Variants in PTPN2 observed in about 807,000 individuals in gnomAD.
PTPN2 encodes the protein tyrosine-protein phosphatase non-receptor type 2.
Under a neutral mutation model 57.3 loss-of-function variants are expected in PTPN2, and 19 were observed. That is an observed-to-expected ratio of 0.33 (90% CI 0.23 to 0.49). The LOEUF is 0.49. PTPN2 is among the 20% of genes least tolerant of loss of function. PTPN2 has a pLI of 0.99. For missense variants in PTPN2, 358 were observed against 501.1 expected (o/e 0.71, Z 2.73); for synonymous variants, 153 against 164.9 (o/e 0.93, Z 0.55).
chr18:12,798,451 T>C (rs1350280981), intron 8 of PTPN2, among the ~76,000 whole-genome samples: 1 of 152,100 alleles, frequency 6.6e-6, no homozygotes, highest in Non-Finnish European at 1.5e-5. Flanking sequence ...TGTTCCCCTC[T>C]ATGTGTCCAT....
intron 7 of PTPN2, among the ~76,000 whole-genome samples, chr18:12,813,361 C>T (rs1445530038): frequency 1.3e-5 from 2 of 152,250 alleles, no homozygotes; most frequent in South Asian, 4.1e-4. Flanking sequence ...GCTGAGTTTC[C>T]CAAACATTGC....
chr18:12,863,556 G>GT (rs1198418869), intron 1 of PTPN2: 2 of 147,108 alleles, frequency 1.4e-5, no homozygotes, highest in African/African-American at 5.1e-5. Context: ...TTTTTTGGGG[G>GT]GGGGGGGGCA....
chr18:12,826,974 CT>C (rs1178000539), intron 4 of PTPN2, among the ~76,000 whole-genome samples: 1 of 152,124 alleles, frequency 6.6e-6, no homozygotes, highest in Non-Finnish European at 1.5e-5. Flanking sequence ...GCATGATTAC[CT>C]ATATTTTAAC....
chr18:12,827,536 C>T (rs560520039), intron 4 of PTPN2, among the ~76,000 whole-genome samples: 4 of 151,742 alleles, frequency 2.6e-5, no homozygotes, highest in Non-Finnish European at 5.9e-5. Context: ...AGGTGCGTGC[C>T]ACCACACCTG....
intron 1 of PTPN2, among the ~76,000 whole-genome samples, chr18:12,873,922 C>T (rs1284842528): frequency 6.8e-6 from 1 of 147,438 alleles, no homozygotes; most frequent in Non-Finnish European, 1.5e-5. Flanking sequence ...ATGTGAGGAG[C>T]GCCTCTGCCC....
intron 9 of PTPN2, chr18:12,786,938 C>T (rs192837291): frequency 1.3e-5 from 2 of 152,312 alleles, no homozygotes; most frequent in East Asian, 1.9e-4. Flanking sequence ...TTACATGAAT[C>T]TTCAGAATGT....
chr18:12,832,856 C>T (rs1345632588), intron 3 of PTPN2, among the ~76,000 whole-genome samples: 6 of 152,202 alleles, frequency 3.9e-5, no homozygotes, highest in African/African-American at 1.4e-4. Flanking sequence ...GGCACGACCT[C>T]GGCTCACTGC....
intron 1 of PTPN2, among the ~76,000 whole-genome samples, chr18:12,871,877 G>T (rs2044277989): frequency 6.6e-6 from 1 of 151,908 alleles, no homozygotes; most frequent in African/African-American, 2.4e-5. Flanking sequence ...GGGAAACCCT[G>T]TCTCTACTAA....
rs1307315841 is a variant in PTPN2, at chr18:12,793,383, T to G, written c.*895A>C. Reference sequence around the variant, plus strand: ...CTTACTTTTGCTTCCTAAATCATAATCTACCCCAACTACATTGAAATTTTC... The same window carrying G: ...CTTACTTTTGCTTCCTAAATCATAAGCTACCCCAACTACATTGAAATTTTC... On this transcript the variant is annotated 3_prime_UTR_variant, in exon 9 of 9. Coordinates refer to ENST00000309660, the MANE Select transcript of PTPN2 (RefSeq NM_002828.4). 2.0e-6 allele frequency: 2 copies of G among 978,650 alleles called. No individual in the cohort carries two copies. Among genetic ancestry groups the G allele is most frequent in the Non-Finnish European group, 2.4e-6 (2 of 823,382 alleles). 60.6% of individuals were successfully genotyped at this position (978,650 alleles called of 1,614,324 possible).
intron 1 of PTPN2, among the ~76,000 whole-genome samples, chr18:12,864,392 A>T (rs1268598817): frequency 6.7e-6 from 1 of 150,088 alleles, no homozygotes; most frequent in Non-Finnish European, 1.5e-5. Flanking sequence ...TTGTAAACAT[A>T]CCTACTTTCC....
At chr18:12,857,235 G>C (rs549930180) in intron 2 of PTPN2, among the ~76,000 whole-genome samples, 8 of 152,288 alleles carry the variant, frequency 5.3e-5, no homozygotes, top group African/African-American at 1.9e-4. Context: ...CAGAAAGGCA[G>C]TGCAAGTGAC....
At chr18:12,840,932 T>G in intron 2 of PTPN2, 3 of 1,518,484 alleles carry the variant, frequency 2.0e-6, no homozygotes, top group Non-Finnish European at 2.6e-6. Context: ...AATGCCTCCA[T>G]GATGAACTGG....
chr18:12,872,022 T>C (rs2044283072), intron 1 of PTPN2, among the ~76,000 whole-genome samples: 1 of 149,574 alleles, frequency 6.7e-6, no homozygotes, highest in African/African-American at 2.5e-5. Context: ...CATTCCAGCC[T>C]GGGGCCACAG....
chr18:12,879,892 C>T (rs948727825), intron 1 of PTPN2, among the ~76,000 whole-genome samples: 1 of 152,226 alleles, frequency 6.6e-6, no homozygotes, highest in Admixed American at 6.5e-5. Flanking sequence ...TCAGAAACAT[C>T]ACCCACTGCT....
downstream of PTPN2, among the ~76,000 whole-genome samples, chr18:12,791,890 G>A (rs895624321): frequency 9.9e-5 from 15 of 152,168 alleles, no homozygotes; most frequent in African/African-American, 3.4e-4. Flanking sequence ...CCTGTGTACC[G>A]AAAGCAAGCC....
At position 12,884,092 on chromosome 18, in the gene PTPN2, C is replaced by T. The variant is rs1272652429; in HGVS notation, c.50G>A (p.Arg17His). The part of the protein sequence containing the change: ...REFEELDTQR[R>H]WQPLYLEIRN... ...ACTCACCAAGTACAGCGGCTGCCAG[C>T]GACGCTGAGTATCCAACTCTTCGAA... The change falls in exon 1 of 9, where the codon CGC becomes CAC. Residue 17 changes from arginine (R) to histidine (H), a missense_variant. Around this residue, in one of 4 missense-constraint regions of PTPN2, gnomAD observed 62 missense variants for 47.9 expected, o/e 1.29. Coordinates refer to ENST00000309660, the MANE Select transcript of PTPN2 (RefSeq NM_002828.4). The T allele has an allele frequency of 1.0e-5, 16 of 1,583,142 alleles. No individual in the cohort carries two copies. The highest frequency in any genetic ancestry group is 8.1e-5 in the African/African-American group (6 of 73,860).
intron 7 of PTPN2, among the ~76,000 whole-genome samples, chr18:12,807,586 A>AAAAAAAAAAAAAAAAAAAAAAATATAT: frequency 2.8e-5 from 1 of 35,194 alleles, no homozygotes; most frequent in Non-Finnish European, 6.1e-5. Context: ...AAAAAAAAAA[A>AAAAAAAAAAAAAAAAAAAAAAATATAT]ATATATATAT....
intron 1 of PTPN2, among the ~76,000 whole-genome samples, chr18:12,880,115 G>C (rs192047898): frequency 5.1e-4 from 78 of 152,316 alleles, no homozygotes; most frequent in African/African-American, 1.8e-3. Context: ...AAGAAGGCCT[G>C]CCAAGGAAGT....
At chr18:12,788,158 A>G (rs542397164), downstream of PTPN2, 1 of 154,812 alleles carries the variant, frequency 6.5e-6, no homozygotes, top group African/African-American at 2.4e-5. Flanking sequence ...TGTCTGAAAA[A>G]TATGCCAAAT....
Sources: gnomAD v4.1 joint callset for allele counts (sites outside exome capture counted in the v4.1 genomes callset) on GRCh38, gnomAD v4.1.1 for gene constraint, gnomAD v4.1.1 regional missense constraint, MANE v1.5 for transcripts, NCBI Gene and HGNC (gene_info 2026-07-23, HGNC 2026-07-21) for gene names.